The following ATP2C2 variants were observed in gnomAD, a reference collection of about 807,000 sequenced individuals.
ATP2C2 encodes ATPase secretory pathway Ca2+ transporting 2.
Under a neutral mutation model 110.8 loss-of-function variants are expected in ATP2C2, and 171 were observed. The ratio of observed to expected loss-of-function variants is 1.54; its 90% CI spans 1.36 to 1.75. ATP2C2 has a LOEUF of 1.75. ATP2C2 is among the 40% of genes most tolerant of loss of function. The pLI, the probability that ATP2C2 is intolerant of heterozygous loss-of-function variation, is 0.00. For synonymous variants in ATP2C2, 804 were observed against 508.4 expected, an observed-to-expected ratio of 1.58 and a Z score of -7.82; for missense variants, 1,963 against 1,235.0, an observed-to-expected ratio of 1.59 and a Z score of -8.84.
Position 84,429,144 on chromosome 16 carries a change from T to TG in ATP2C2, c.986+3343_986+3344insG, listed in dbSNP as rs1555561848. 6.6e-3 allele frequency among the ~76,000 whole-genome samples: 705 copies of TG among 106,152 alleles called. 3 individuals are homozygous for TG. Among genetic ancestry groups the TG allele is most frequent in the African/African-American group, 0.023 (662 of 29,308 alleles). The allele number at this position is 106,152 out of a possible 152,430, so 69.6% of individuals were successfully genotyped here. ...AGAACGATCTTCATGGCGTTGTTTT[T>TG]TTTGTTTGTTTGTTTGTTTGTTTTC... On this transcript the variant is annotated intron_variant, in intron 11 of 26. Coordinates refer to ENST00000262429, the MANE Select transcript of ATP2C2 (RefSeq NM_014861.4).
At chr16:84,373,828 T>G (rs1473502067) in intron 1 of ATP2C2, among the ~76,000 whole-genome samples, 1 of 152,246 alleles carries the variant, frequency 6.6e-6, no homozygotes, top group Non-Finnish European at 1.5e-5. Context: ...CATCGTAAGT[T>G]CTGTTCTTTA....
chr16:84,394,284 A>T (rs962083034), intron 1 of ATP2C2, among the ~76,000 whole-genome samples: 8 of 152,104 alleles, frequency 5.3e-5, no homozygotes, highest in African/African-American at 1.2e-4. Context: ...TACACTCACA[A>T]TGTCGTGTGA....
At chr16:84,453,907 C>T (rs962722193) in intron 20 of ATP2C2, among the ~76,000 whole-genome samples, 1 of 152,020 alleles carries the variant, frequency 6.6e-6, no homozygotes, top group Admixed American at 6.6e-5. Context: ...GTGGCACAAT[C>T]TCGGCTTACT....
At chr16:84,387,165 A>T (rs966602140) in intron 1 of ATP2C2, among the ~76,000 whole-genome samples, 1 of 152,132 alleles carries the variant, frequency 6.6e-6, no homozygotes, top group African/African-American at 2.4e-5. Context: ...TTCTGAGCAC[A>T]TTTGGGCACT....
chr16:84,381,107 G>A (rs749019950), intron 1 of ATP2C2, among the ~76,000 whole-genome samples: 2 of 152,174 alleles, frequency 1.3e-5, no homozygotes, highest in Admixed American at 6.5e-5. Context: ...AAAGAGAGTC[G>A]GCAAAGGGTG....
intron 21 of ATP2C2, 79 bp downstream of exon 21, chr16:84,455,063 G>C: frequency 7.2e-7 from 1 of 1,397,622 alleles, no homozygotes; most frequent in Non-Finnish European, 9.7e-7. Context: ...TGCTACTGTG[G>C]AGATAGAGGG....
chr16:84,426,381 C>T (rs173546), intron 11 of ATP2C2, among the ~76,000 whole-genome samples: 125,069 of 152,138 alleles, frequency 0.82, 51,826 homozygotes, highest in Non-Finnish European at 0.86. Flanking sequence ...ACCTCCAACA[C>T]TGGGGCTTAT....
At position 84,451,996 on chromosome 16, in the gene ATP2C2, G is replaced by C. The variant is rs1443510994; in HGVS notation, c.1736G>C (p.Arg579Thr). ...CTTGTGGGCATCATTGACCCCCCGA[G>C]AGTTGGCGTGAAGGAAGCAGTCCAG... ...LGLVGIIDPP[R>T]VGVKEAVQVL... The change falls in exon 18 of 27, where the codon AGA becomes ACA. Residue 579 changes from arginine (R) to threonine (T), a missense_variant. Transcript: ENST00000262429. The C allele has an allele frequency of 2.5e-6, 4 of 1,614,046 alleles. No homozygotes were observed. The Admixed American group carries it at 5.0e-5, about 20-fold the overall frequency.
At chr16:84,401,912 G>A (rs1443504603) in intron 2 of ATP2C2, among the ~76,000 whole-genome samples, 1 of 151,664 alleles carries the variant, frequency 6.6e-6, no homozygotes, top group African/African-American at 2.4e-5. Context: ...TCTATAGATT[G>A]CTTTGGGTAG....
rs1386318184 is a variant in ATP2C2, at chr16:84,461,347, C to G, written c.2482-367C>G. The G allele has an allele frequency of 1.2e-5, 4 of 346,910 alleles. No homozygotes were observed. The Admixed American group carries it at 1.3e-4, about 12-fold the overall frequency. The allele number at this position is 346,910 out of a possible 1,614,324, so 21.5% of individuals were successfully genotyped here. A position where few individuals can be genotyped will look rare whatever the true frequency, so the allele number is the denominator to read the frequency against. On this transcript the variant is annotated intron_variant, in intron 24 of 26. Transcript: ENST00000262429. ...GGGTACCCTGCCTCCATTTTCCCTC[C>G]AGCTCTCCCTCTACTACTGACGGCC...
At chr16:84,460,571 G>C (rs1390490805) in intron 23 of ATP2C2, 83 bp from the exon 24 acceptor site, 1 of 1,597,854 alleles carries the variant, frequency 6.3e-7, no homozygotes, top group African/African-American at 1.3e-5. Flanking sequence ...AACTTGGCCT[G>C]GGAGGCTCAG....
intron 1 of ATP2C2, among the ~76,000 whole-genome samples, chr16:84,387,545 AT>A (rs1904387705): frequency 6.6e-6 from 1 of 152,116 alleles, no homozygotes; most frequent in African/African-American, 2.4e-5. Flanking sequence ...TGGACACAAA[AT>A]GCCAGCCATG....
At chr16:84,399,523 T>G (rs1905194656) in intron 2 of ATP2C2, among the ~76,000 whole-genome samples, 1 of 152,230 alleles carries the variant, frequency 6.6e-6, no homozygotes, top group Non-Finnish European at 1.5e-5. Flanking sequence ...TTCCTTCCAT[T>G]ATGACTGACT....
At position 84,454,944 on chromosome 16, in the gene ATP2C2, G is replaced by A. The variant is rs201597906; in HGVS notation, c.2107G>A (p.Ala703Thr). The A allele has an allele frequency of 1.9e-5, 31 of 1,613,426 alleles. No individual in the cohort carries two copies. The highest frequency in any genetic ancestry group is 1.1e-4 in the East Asian group (5 of 44,846). The change falls in exon 21 of 27, where the codon GCC (alanine) becomes ACC (threonine). Residue 703 changes from alanine (A) to threonine (T), a missense_variant. Ala to Thr is a moderately conservative substitution (Grantham distance 58). Transcript: ENST00000262429. ...AGGGACGGACGTCAGCAAAGAGGCCGCCAACATGATCCTGGTGGATGATGA... is the reference window on the plus strand; with the variant it reads ...AGGGACGGACGTCAGCAAAGAGGCCACCAACATGATCCTGGTGGATGATGA... ...QTGTDVSKEA[A>T]NMILVDDDFS...
At chr16:84,448,072 G>A (rs1443661448) in intron 16 of ATP2C2, among the ~76,000 whole-genome samples, 1 of 152,010 alleles carries the variant, frequency 6.6e-6, no homozygotes, top group African/African-American at 2.4e-5. Context: ...AAAAACACAG[G>A]AAAAATGATC....
intron 1 of ATP2C2, 31 bp from the exon 2 acceptor site, chr16:84,398,468 C>G (rs1905123063): frequency 1.4e-6 from 2 of 1,474,300 alleles, no homozygotes; most frequent in Non-Finnish European, 1.8e-6. Flanking sequence ...AAAGTTCAAT[C>G]CGCTAAACAG....
chr16:84,410,511 C>G (rs1192294797), intron 4 of ATP2C2, 57 bp from the exon 5 acceptor site: 24 of 1,577,642 alleles, frequency 1.5e-5, no homozygotes, highest in Non-Finnish European at 2.1e-5. Flanking sequence ...CTGCCACGCC[C>G]TGTCCCCCCT....
chr16:84,405,313 C>G (rs1905666515), intron 3 of ATP2C2, 69 bp downstream of exon 3: 2 of 1,356,690 alleles, frequency 1.5e-6, no homozygotes, highest in Non-Finnish European at 2.1e-6. Context: ...GCCATTCCAT[C>G]TTTCAATGTT....
At chr16:84,418,935 G>A (rs11644663) in intron 7 of ATP2C2, among the ~76,000 whole-genome samples, 18,567 of 152,044 alleles carry the variant, frequency 0.12, 1,246 homozygotes, top group South Asian at 0.23. Context: ...GGGTCCAGGC[G>A]CGGTGGCTCA....
Sources: allele counts gnomAD v4.1 joint callset (sites outside exome capture counted in the v4.1 genomes callset), GRCh38; gene constraint gnomAD v4.1.1; transcripts MANE v1.5; gene names NCBI Gene and HGNC (gene_info 2026-07-23, HGNC 2026-07-21).